The following CHAMP1 variants were observed in gnomAD, a reference collection of about 807,000 sequenced individuals.
CHAMP1 encodes chromosome alignment-maintaining phosphoprotein 1.
A neutral mutation model predicts 54.5 loss-of-function variants in CHAMP1; 4 were observed. The observed-to-expected ratio is 0.07, with a 90% CI of 0.04 to 0.17. CHAMP1 has a LOEUF of 0.17. Ranked by LOEUF, CHAMP1 falls within the 10% of genes least tolerant of loss-of-function variation. The pLI is 1.00. For missense variants in CHAMP1, 994 were observed against 968.6 expected (o/e 1.03, Z -0.35); for synonymous variants, 368 against 342.2 (o/e 1.08, Z -0.83).
intron 2 of CHAMP1, chr13:114,323,349 T>C (rs2087196753): frequency 6.5e-6 from 1 of 153,018 alleles, no homozygotes; most frequent in Non-Finnish European, 1.5e-5. Context: ...TTTAGTCTCT[T>C]GTTCATCCTT....
At chr13:114,316,604 A>T (rs189453731) in intron 1 of CHAMP1, among the ~76,000 whole-genome samples, 10 of 152,160 alleles carry the variant, frequency 6.6e-5, no homozygotes, top group African/African-American at 2.4e-4. Context: ...AAAAATAAAT[A>T]AATAAAAATG....
At chr13:114,314,937 C>T (rs2087076803) in intron 1 of CHAMP1, among the ~76,000 whole-genome samples, 1 of 152,202 alleles carries the variant, frequency 6.6e-6, no homozygotes, top group Non-Finnish European at 1.5e-5. Context: ...GAAAGCCATT[C>T]TTTCTGTTTT....
At position 114,325,002 on chromosome 13, in the gene CHAMP1, C is replaced by A; in HGVS notation, c.1160C>A (p.Pro387His). ...TCCTGGAAGTCTCCCCCTGCATCTC[C>A]TGAGTCATGGAAGTCTGGCCCACCA... ...PSSWKSPPASPESWKSGPPEL... is the reference protein window; with the variant it reads ...PSSWKSPPASHESWKSGPPEL... Residue 387 changes from proline to histidine, a missense_variant, in exon 3 of 3, where the codon CCT (proline) becomes CAT (histidine). Coordinates refer to ENST00000361283, the MANE Select transcript of CHAMP1 (RefSeq NM_032436.4). 6.2e-7 allele frequency: 1 copy of A among 1,614,168 alleles called. No homozygotes were observed. The highest frequency in any genetic ancestry group is 8.5e-7 in the Non-Finnish European group (1 of 1,180,044).
rs200070245 is a variant in CHAMP1 at position 114,325,610 on chromosome 13, C to A, written c.1768C>A (p.Gln590Lys). The A allele has an allele frequency of 4.0e-5, 65 of 1,614,120 alleles. No individual in the cohort carries two copies. The East Asian group carries it at 1.3e-3, about 32-fold the overall frequency. Residue 590 changes from glutamine (Q) to lysine (K), a missense_variant, in exon 3 of 3, where the codon CAA becomes AAA. Coordinates refer to ENST00000361283, the MANE Select transcript of CHAMP1 (RefSeq NM_032436.4). ...ACTACAAATAGATGCCATAGATGAT[C>A]AAAAATGTGATATTTTGGTTCAGGA... is the stretch of plus-strand genomic sequence containing the variant. ...DELQIDAIDD[Q>K]KCDILVQEEL...
At chr13:114,323,285 TAA>T (rs2087196014) in intron 2 of CHAMP1, 1 of 152,350 alleles carries the variant, frequency 6.6e-6, no homozygotes, top group African/African-American at 2.4e-5. Flanking sequence ...CATCATGTTT[TAA>T]AGTCATCTTT....
chr13:114,326,385 G>C lies in CHAMP1; in HGVS notation c.*104G>C, dbSNP rs1484009192. 3 of 1,300,870 alleles carry C rather than the reference G, an allele frequency of 2.3e-6. No homozygotes were observed. Among genetic ancestry groups the C allele is most frequent in the Non-Finnish European group, 2.1e-6 (2 of 968,700 alleles). 80.6% of individuals were successfully genotyped at this position (1,300,870 alleles called of 1,614,324 possible). ...GTTGGATCAGTAGATGACATGTATG[G>C]TGTACCGTGTTTCACTGTCTCAGTT... On this transcript the variant is annotated 3_prime_UTR_variant, in exon 3 of 3. Coordinates refer to ENST00000361283, the MANE Select transcript of CHAMP1 (RefSeq NM_032436.4).
rs2087232884 is a variant in CHAMP1 at position 114,325,333 on chromosome 13, A to G, written c.1491A>G (p.Arg497=). 6 of 1,614,000 alleles carry G rather than the reference A, an allele frequency of 3.7e-6. No individual in the cohort carries two copies. The highest frequency in any genetic ancestry group is 5.1e-6 in the Non-Finnish European group (6 of 1,180,034). ...AGAAACCTGTCTTCCCTGAGACCCGAAAACCAGGTCCTTCTGGGCCATCTG... is the reference window on the plus strand; with the variant it reads ...AGAAACCTGTCTTCCCTGAGACCCGGAAACCAGGTCCTTCTGGGCCATCTG... ...EPQKPVFPET[R]KPGPSGPSES... The change falls in exon 3 of 3, where the codon CGA becomes CGG. Residue 497 remains arginine (R), a synonymous_variant. Coordinates refer to ENST00000361283, the MANE Select transcript of CHAMP1 (RefSeq NM_032436.4).
chr13:114,319,392 G>A (rs1180393678), intron 1 of CHAMP1, among the ~76,000 whole-genome samples: 1 of 152,200 alleles, frequency 6.6e-6, no homozygotes, highest in African/African-American at 2.4e-5. Context: ...CATACTGTGT[G>A]TCAGGGATGT....
chr13:114,317,041 T>A (rs1436271669), intron 1 of CHAMP1, among the ~76,000 whole-genome samples: 1 of 152,068 alleles, frequency 6.6e-6, no homozygotes, highest in Non-Finnish European at 1.5e-5. Context: ...GGGGTGAGTA[T>A]GGAGTCTTAC....
At position 114,326,432 on chromosome 13, in the gene CHAMP1, T is replaced by C; in HGVS notation, c.*151T>C. On this transcript the variant is annotated 3_prime_UTR_variant, in exon 3 of 3. Coordinates refer to ENST00000361283, the MANE Select transcript of CHAMP1 (RefSeq NM_032436.4). ...AGTTGTGTTACTAAGAATGAGCATT[T>C]GATCATTTTTTTCTGGTCTCTGTCT... is the stretch of plus-strand genomic sequence containing the variant. 1.1e-6 allele frequency: 1 copy of C among 897,176 alleles called. No homozygotes were observed. Among genetic ancestry groups the C allele is most frequent in the Non-Finnish European group, 1.6e-6 (1 of 623,844 alleles). 55.6% of individuals were successfully genotyped at this position (897,176 alleles called of 1,614,324 possible). A position where few individuals can be genotyped will look rare whatever the true frequency, so the allele number is the denominator to read the frequency against.
At chr13:114,321,907 T>C (rs1452232173) in intron 2 of CHAMP1, among the ~76,000 whole-genome samples, 1 of 152,146 alleles carries the variant, frequency 6.6e-6, no homozygotes, top group Non-Finnish European at 1.5e-5. Flanking sequence ...TCCTCAAGTA[T>C]CTGTCACCTT....
At chr13:114,317,577 T>C (rs1173760122) in intron 1 of CHAMP1, among the ~76,000 whole-genome samples, 1 of 152,074 alleles carries the variant, frequency 6.6e-6, no homozygotes, top group Non-Finnish European at 1.5e-5. Flanking sequence ...TGAGTTGTGA[T>C]GGCGTCACTG....
intron 1 of CHAMP1, among the ~76,000 whole-genome samples, chr13:114,319,067 G>C (rs2087137724): frequency 6.6e-6 from 1 of 151,264 alleles, no homozygotes; most frequent in Non-Finnish European, 1.5e-5. Flanking sequence ...TGTTTATTTT[G>C]GACTATTGTA....
rs781938273 is a variant in CHAMP1 at position 114,324,664 on chromosome 13, C to G, written c.822C>G (p.Thr274=). The G allele has an allele frequency of 1.2e-6, 2 of 1,614,004 alleles. No homozygotes were observed. Residue 274 remains threonine, a synonymous_variant, in exon 3 of 3, where the codon ACC becomes ACG. Transcript: ENST00000361283. ...AATCTCGGAAGTCAGCCCGGACTAC[C>G]TCCCCTGAGCCAAGGAAGCCATCCC... is the stretch of plus-strand genomic sequence containing the variant. ...SPESRKSART[T]SPEPRKPSPS... is the part of the protein sequence containing the mutation.
intron 2 of CHAMP1, chr13:114,322,375 A>G (rs2087185551): frequency 6.6e-6 from 1 of 152,274 alleles, no homozygotes; most frequent in East Asian, 1.9e-4. Context: ...TAATTAATAA[A>G]GGGAGAGCCT....
intron 1 of CHAMP1, among the ~76,000 whole-genome samples, chr13:114,318,063 A>G (rs1335373275): frequency 6.6e-6 from 1 of 152,204 alleles, no homozygotes; most frequent in Admixed American, 6.5e-5. Context: ...GCTTTGCCTA[A>G]AAGTTGAATT....
Position 114,323,857 on chromosome 13 carries a change from G to C in CHAMP1, c.15G>C (p.Gln5His). Residue 5 changes from glutamine (Q) to histidine (H), a missense_variant, in exon 3 of 3, where the codon CAG becomes CAC. Physicochemically the swap from Gln to His is conservative, Grantham distance 24. This residue lies in a region of CHAMP1 where 84 missense variants were observed against 120.7 expected (regional missense o/e 0.70). Coordinates refer to ENST00000361283, the MANE Select transcript of CHAMP1 (RefSeq NM_032436.4). The stretch of plus-strand genomic sequence containing the variant: ...CAGACAGAAGAATGGAAGCATTCCA[G>C]GAACTTCGTAAACCATCAGCACGTT... MEAF[Q>H]ELRKPSARLE... The C allele has an allele frequency of 6.2e-7, 1 of 1,602,870 alleles. No homozygotes were observed. The highest frequency in any genetic ancestry group is 8.5e-7 in the Non-Finnish European group (1 of 1,172,330).
chr13:114,325,668 A>G lies in CHAMP1; in HGVS notation c.1826A>G (p.Glu609Gly). ...CTAGCTTCACCTAAGAAACTCTTAG[A>G]AGATACTTTATTTCCTTCCTCAAAG... ...ELLASPKKLLEDTLFPSSKKL... is the reference protein window; with the variant it reads ...ELLASPKKLLGDTLFPSSKKL... Residue 609 changes from glutamate to glycine, a missense_variant, in exon 3 of 3, where the codon GAA becomes GGA. Glu to Gly is a moderately conservative substitution (Grantham distance 98). Around this residue, in one of 3 missense-constraint regions of CHAMP1, gnomAD observed 851 missense variants for 701.3 expected, o/e 1.21. Coordinates refer to ENST00000361283, the MANE Select transcript of CHAMP1 (RefSeq NM_032436.4). 1 of 1,614,046 alleles carries G rather than the reference A, an allele frequency of 6.2e-7. No individual in the cohort carries two copies. The highest frequency in any genetic ancestry group is 1.7e-5 in the Admixed American group (1 of 59,974).
At chr13:114,318,227 C>T (rs1276486227) in intron 1 of CHAMP1, among the ~76,000 whole-genome samples, 1 of 152,140 alleles carries the variant, frequency 6.6e-6, no homozygotes, top group African/African-American at 2.4e-5. Flanking sequence ...TCACTTCTTT[C>T]CCTCAGCATC....
Sources: gnomAD v4.1 joint callset for allele counts (sites outside exome capture counted in the v4.1 genomes callset) on GRCh38, gnomAD v4.1.1 for gene constraint, gnomAD v4.1.1 regional missense constraint, MANE v1.5 for transcripts, NCBI Gene and HGNC (gene_info 2026-07-23, HGNC 2026-07-21) for gene names.